DUSP10: variants seen among roughly 807,000 people sequenced by gnomAD.
DUSP10 encodes dual specificity protein phosphatase 10.
In DUSP10, 14 loss-of-function variants were observed where a neutral mutation model predicts 30.8. The ratio of observed to expected loss-of-function variants is 0.46; its 90% CI spans 0.30 to 0.71. The LOEUF is 0.71. DUSP10 is among the 30% of genes least tolerant of loss of function. The pLI is 0.08. For missense variants in DUSP10, 550 were observed against 619.4 expected, an observed-to-expected ratio of 0.89 and a Z score of 1.19; for synonymous variants, 254 against 250.4, an observed-to-expected ratio of 1.01 and a Z score of -0.14.
chr1:221,705,932 G>A (rs890284174), intron 3 of DUSP10, among the ~76,000 whole-genome samples, 163 bp downstream of exon 3: 2 of 152,210 alleles, frequency 1.3e-5, no homozygotes, highest in African/African-American at 4.8e-5. Flanking sequence ...GACAGGCTAT[G>A]ACTTAGGAGA....
At chr1:221,726,498 A>G (rs549107334) in intron 2 of DUSP10, among the ~76,000 whole-genome samples, 3 of 152,360 alleles carry the variant, frequency 2.0e-5, no homozygotes, top group Admixed American at 2.0e-4. Flanking sequence ...CCTGAAAAAC[A>G]TGCACATATA....
At chr1:221,703,217 GTGTA>G (rs1050051593) in intron 3 of DUSP10, among the ~76,000 whole-genome samples, 7 of 151,502 alleles carry the variant, frequency 4.6e-5, no homozygotes, top group African/African-American at 1.7e-4. Context: ...GTGTGTGTGT[GTGTA>G]TATATATATA....
chr1:221,728,772 C>T (rs1006740118), intron 2 of DUSP10, among the ~76,000 whole-genome samples: 33 of 152,210 alleles, frequency 2.2e-4, no homozygotes, highest in African/African-American at 7.0e-4. Context: ...TCATCATACT[C>T]GTCACAGATT....
chr1:221,705,111 GT>G (rs34627895), intron 3 of DUSP10, among the ~76,000 whole-genome samples: 1,901 of 141,930 alleles, frequency 0.013, 39 homozygotes, highest in African/African-American at 0.041. Flanking sequence ...TATTTTGAGT[GT>G]TTTTTTTTTT....
At chr1:221,731,044 C>T (rs909950984) in intron 2 of DUSP10, among the ~76,000 whole-genome samples, 1 of 152,062 alleles carries the variant, frequency 6.6e-6, no homozygotes, top group Non-Finnish European at 1.5e-5. Flanking sequence ...ACAGGTCATA[C>T]TCATTTTCTC....
intron 3 of DUSP10, among the ~76,000 whole-genome samples, chr1:221,704,290 C>T (rs1309708324): frequency 3.5e-5 from 5 of 144,440 alleles, no homozygotes; most frequent in African/African-American, 1.1e-4. Flanking sequence ...GGGCTGAATG[C>T]TATTTGTTAT....
At chr1:221,724,252 T>C (rs1661359198) in intron 2 of DUSP10, among the ~76,000 whole-genome samples, 1 of 152,152 alleles carries the variant, frequency 6.6e-6, no homozygotes, top group East Asian at 1.9e-4. Context: ...AATTGCCTCA[T>C]CTAAAAAGTG....
intron 2 of DUSP10, among the ~76,000 whole-genome samples, chr1:221,721,996 C>T (rs536445185): frequency 6.6e-6 from 1 of 152,264 alleles, no homozygotes; most frequent in East Asian, 1.9e-4. Flanking sequence ...CCGGGTGGCC[C>T]TGTTTCTTCT....
At chr1:221,714,646 A>C (rs1484034575) in intron 2 of DUSP10, among the ~76,000 whole-genome samples, 1 of 152,122 alleles carries the variant, frequency 6.6e-6, no homozygotes, top group Non-Finnish European at 1.5e-5. Context: ...CCAGACTATA[A>C]AATCTGGCAC....
chr1:221,713,652 A>G (rs1447008853), intron 2 of DUSP10, among the ~76,000 whole-genome samples: 13 of 152,192 alleles, frequency 8.5e-5, no homozygotes, highest in Admixed American at 5.9e-4. Flanking sequence ...TTCTACAACT[A>G]TAACTGCATT....
intron 2 of DUSP10, among the ~76,000 whole-genome samples, chr1:221,715,408 T>G (rs905932262): frequency 6.6e-6 from 1 of 152,178 alleles, no homozygotes; most frequent in Non-Finnish European, 1.5e-5. Context: ...AGCTGGGGAT[T>G]GGATTTCCGC....
rs147280409 is a variant in DUSP10, at chr1:221,722,832, G to C, written c.811+16102C>G. 1.7e-3 allele frequency among the ~76,000 whole-genome samples: 265 copies of C among 152,134 alleles called. 2 individuals are homozygous for C. The highest frequency in any genetic ancestry group is 5.4e-3 in the African/African-American group (226 of 41,482). On this transcript the variant is annotated intron_variant, in intron 2 of 3. Transcript: ENST00000366899. Reference sequence around the variant, plus strand: ...AAGAGGCAGTGTCTATTTTAAGCAGGGATGAAGAAACTAAACCAAAATAAA... The same window carrying C: ...AAGAGGCAGTGTCTATTTTAAGCAGCGATGAAGAAACTAAACCAAAATAAA...
At position 221,739,030 on chromosome 1, in the gene DUSP10, T is replaced by G. The variant is rs1341193058; in HGVS notation, c.715A>C (p.Asn239His). ...FSKEIIVYDE[N>H]TNEPSRVMPS... ...ATCACTCGGCTTGGTTCATTGGTAT[T>G]CTCATCATAAACTATAATTTCTTTG... The change falls in exon 2 of 4, where the codon AAT (asparagine) becomes CAT (histidine). Residue 239 changes from asparagine (N) to histidine (H), a missense_variant. Asn to His is a moderately conservative substitution (Grantham distance 68). Transcript: ENST00000366899. The G allele has an allele frequency of 1.2e-6, 2 of 1,614,202 alleles. No homozygotes were observed. The highest frequency in any genetic ancestry group is 1.7e-6 in the Non-Finnish European group (2 of 1,180,032).
chr1:221,712,419 A>C (rs1180364725), intron 2 of DUSP10, among the ~76,000 whole-genome samples: 1 of 152,186 alleles, frequency 6.6e-6, no homozygotes, highest in African/African-American at 2.4e-5. Flanking sequence ...TGAGTCAGAG[A>C]GAAGTCTTCT....
intron 2 of DUSP10, among the ~76,000 whole-genome samples, chr1:221,733,260 T>C (rs4585986): frequency 0.94 from 143,724 of 152,312 alleles, 67,944 homozygotes; most frequent in African/African-American, 0.99. Flanking sequence ...TGGGTTTGCC[T>C]AAAGGACCAA....
rs549499457 is a variant in DUSP10, at chr1:221,720,054, C to A, written c.812-13588G>T. Among the ~76,000 whole-genome samples the A allele has an allele frequency of 5.3e-5, 8 of 152,230 alleles. No homozygotes were observed. In the East Asian group the frequency reaches 1.3e-3, roughly 26 times the overall value. ...CCTTTGCATTTGCTGTTCCCTCTTC[C>A]GCAAACTCCCTTCCTGTAGATCCTC... On this transcript the variant is annotated intron_variant, in intron 2 of 3. Transcript: ENST00000366899.
chr1:221,734,310 A>G (rs1448103983), intron 2 of DUSP10, among the ~76,000 whole-genome samples: 1 of 152,240 alleles, frequency 6.6e-6, no homozygotes, highest in Non-Finnish European at 1.5e-5. Context: ...TCCTGGCCCA[A>G]TATGTTTTTG....
intron 2 of DUSP10, among the ~76,000 whole-genome samples, chr1:221,713,179 T>C (rs1445230258): frequency 6.6e-6 from 1 of 152,150 alleles, no homozygotes; most frequent in East Asian, 1.9e-4. Context: ...GGCAACCCCA[T>C]GCAAGGGCAT....
chr1:221,727,954 G>A (rs926024778), intron 2 of DUSP10, among the ~76,000 whole-genome samples: 9 of 152,162 alleles, frequency 5.9e-5, no homozygotes, highest in African/African-American at 2.2e-4. Context: ...ATTAAAAGAT[G>A]GGGCCTTTAA....
Sources: gnomAD v4.1 joint callset for allele counts (sites outside exome capture counted in the v4.1 genomes callset) on GRCh38, gnomAD v4.1.1 for gene constraint, MANE v1.5 for transcripts, NCBI Gene and HGNC (gene_info 2026-07-23, HGNC 2026-07-21) for gene names.